RALYL: variants seen among roughly 807,000 people sequenced by gnomAD.
RALYL encodes RNA-binding Raly-like protein.
RALYL carries 29 observed loss-of-function variants against 35.1 expected under a neutral mutation model. The ratio of observed to expected loss-of-function variants is 0.83; its 90% CI spans 0.61 to 1.13. The LOEUF is 1.13. Ranked by LOEUF, RALYL falls within the 50% of genes most tolerant of loss-of-function variation. RALYL has a pLI of 0.00. For synonymous variants in RALYL, 120 were observed against 127.6 expected (o/e 0.94, Z 0.40); for missense variants, 359 against 360.4 (o/e 1.00, Z 0.03).
Position 84,856,312 on chromosome 8 carries a change from C to T in RALYL, c.414-5984C>T, listed in dbSNP as rs756593713. On this transcript the variant is annotated intron_variant, in intron 5 of 8. Transcript: ENST00000521268. ...AATTACAAGAATTAAATGAGAAAAT[C>T]GTTTTAGTGGCTTATAACCCCACAA... Among the ~76,000 whole-genome samples, 5 of 152,134 alleles carry T rather than the reference C, an allele frequency of 3.3e-5. 1 individual carries two copies. The highest frequency in any genetic ancestry group is 7.4e-5 in the Non-Finnish European group (5 of 68,014).
At chr8:84,572,963 GT>G (rs1213911062) in intron 2 of RALYL, among the ~76,000 whole-genome samples, 1 of 151,126 alleles carries the variant, frequency 6.6e-6, no homozygotes, top group African/African-American at 2.4e-5. Flanking sequence ...TCGGGTTACA[GT>G]TTAAAATTTG....
intron 1 of RALYL, among the ~76,000 whole-genome samples, chr8:84,526,288 C>T: frequency 6.6e-6 from 1 of 152,098 alleles, no homozygotes; most frequent in East Asian, 1.9e-4. Flanking sequence ...TTATACTTTT[C>T]TTTGACAGAC....
intron 2 of RALYL, among the ~76,000 whole-genome samples, chr8:84,663,806 A>G (rs1831378508): frequency 6.6e-6 from 1 of 151,798 alleles, no homozygotes; most frequent in South Asian, 2.1e-4. Flanking sequence ...TGCTGTGCAG[A>G]GCTCTTTAGT....
chr8:84,745,469 A>C (rs1808393766), intron 2 of RALYL, among the ~76,000 whole-genome samples: 1 of 152,150 alleles, frequency 6.6e-6, no homozygotes, highest in Non-Finnish European at 1.5e-5. Context: ...TTTTAGGCAT[A>C]CATATGTATT....
intron 6 of RALYL, chr8:84,864,971 G>A (rs1838882152): frequency 4.8e-6 from 1 of 207,090 alleles, no homozygotes. Flanking sequence ...TAAATTTAGA[G>A]CTCAAGTCAC....
intron 1 of RALYL, among the ~76,000 whole-genome samples, chr8:84,296,243 A>G (rs1486141950): frequency 1.3e-5 from 2 of 152,144 alleles, no homozygotes; most frequent in Non-Finnish European, 2.9e-5. Flanking sequence ...CACTAAAGCC[A>G]TAACTTGGCA....
intron 2 of RALYL, among the ~76,000 whole-genome samples, chr8:84,632,475 C>T (rs1446477883): frequency 6.6e-6 from 1 of 151,782 alleles, no homozygotes; most frequent in East Asian, 1.9e-4. Flanking sequence ...GCACCATGTC[C>T]CATTTTATTT....
At chr8:84,452,062 AC>A (rs1189538055) in intron 1 of RALYL, among the ~76,000 whole-genome samples, 2 of 151,890 alleles carry the variant, frequency 1.3e-5, no homozygotes, top group Non-Finnish European at 2.9e-5. Context: ...GTGTTCCTTG[AC>A]CCATTTAATA....
intron 2 of RALYL, among the ~76,000 whole-genome samples, chr8:84,650,426 C>T (rs1828503815): frequency 6.6e-6 from 1 of 152,110 alleles, no homozygotes; most frequent in African/African-American, 2.4e-5. Flanking sequence ...TGAAAAGACA[C>T]TTCTCAAAAG....
chr8:84,827,646 T>A (rs1830003124), intron 4 of RALYL, among the ~76,000 whole-genome samples: 1 of 152,046 alleles, frequency 6.6e-6, no homozygotes, highest in Non-Finnish European at 1.5e-5. Flanking sequence ...AAAGAAAAGC[T>A]TCCATCAAAA....
intron 8 of RALYL, among the ~76,000 whole-genome samples, chr8:84,912,372 C>T (rs10110570): frequency 0.32 from 48,866 of 151,748 alleles, 8,436 homozygotes; most frequent in East Asian, 0.61. Context: ...AATATATATT[C>T]CTTATTATGT....
chr8:84,226,026 G>C (rs112641428), intron 1 of RALYL, among the ~76,000 whole-genome samples: 10 of 152,166 alleles, frequency 6.6e-5, no homozygotes, highest in Non-Finnish European at 1.5e-4. Context: ...CCTGGCTGTG[G>C]ACCAGTACTG....
intron 1 of RALYL, among the ~76,000 whole-genome samples, chr8:84,366,763 CAAAAAAAAAAAAA>C (rs1166208925): frequency 1.6e-4 from 9 of 56,658 alleles, no homozygotes; most frequent in East Asian, 7.5e-4. Context: ...ATTTTTGTCT[CAAAAAAAAAAAAA>C]AAAAAAAAAA....
rs568882510 is a variant in RALYL, at chr8:84,327,047, CAT to C, written c.-24+142624_-24+142625del. 1.2e-3 allele frequency among the ~76,000 whole-genome samples: 190 copies of C among 152,244 alleles called. 5 individuals carry two copies. The South Asian group carries it at 0.032, about 25-fold the overall frequency. On this transcript the variant is annotated intron_variant, in intron 1 of 8. Coordinates refer to ENST00000521268, the MANE Select transcript of RALYL (RefSeq NM_173848.7). The stretch of plus-strand genomic sequence containing the variant: ...AAAACACTTGGTTGACATGCTACCA[CAT>C]GTTTGATCCAGAGGATATAAAAATT...
chr8:84,236,721 G>T (rs13276195), intron 1 of RALYL, among the ~76,000 whole-genome samples: 1 of 151,806 alleles, frequency 6.6e-6, no homozygotes, highest in African/African-American at 2.4e-5. Flanking sequence ...CAATATCGTC[G>T]TGAGGTGACT....
chr8:84,190,296 A>G (rs1177161253), intron 1 of RALYL, among the ~76,000 whole-genome samples: 2 of 152,214 alleles, frequency 1.3e-5, no homozygotes, highest in African/African-American at 4.8e-5. Flanking sequence ...TATCAAGCTC[A>G]TTTTATGTTA....
intron 2 of RALYL, among the ~76,000 whole-genome samples, chr8:84,700,959 T>C (rs56165928): frequency 0.19 from 29,631 of 152,022 alleles, 3,126 homozygotes; most frequent in Non-Finnish European, 0.23. Context: ...AAAGAATTCA[T>C]AGGAATTGTA....
intron 1 of RALYL, among the ~76,000 whole-genome samples, chr8:84,336,258 A>T (rs760772935): frequency 6.6e-6 from 1 of 152,094 alleles, no homozygotes; most frequent in Non-Finnish European, 1.5e-5. Context: ...TAACTGCTAG[A>T]TCTACTGGAG....
chr8:84,393,491 T>C (rs1321340043), intron 1 of RALYL, among the ~76,000 whole-genome samples: 1 of 152,180 alleles, frequency 6.6e-6, no homozygotes, highest in South Asian at 2.1e-4. Flanking sequence ...AATGACGCTA[T>C]GTACTGTTGC....
Sources: allele counts gnomAD v4.1 joint callset (sites outside exome capture counted in the v4.1 genomes callset), GRCh38; gene constraint gnomAD v4.1.1; transcripts MANE v1.5; gene names NCBI Gene and HGNC (gene_info 2026-07-23, HGNC 2026-07-21).